The following ATL1 variants were observed in gnomAD, a reference collection of about 807,000 sequenced individuals.
The protein encoded by ATL1 is atlastin GTPase 1.
ATL1 carries 31 observed loss-of-function variants against 75.5 expected under a neutral mutation model. The observed-to-expected ratio is 0.41, with a 90% CI of 0.31 to 0.55. ATL1 has a LOEUF of 0.55. Ranked by LOEUF, ATL1 falls within the 20% of genes least tolerant of loss-of-function variation. The pLI, the probability that ATL1 is intolerant of heterozygous loss-of-function variation, is 0.27. For synonymous variants in ATL1, 226 were observed against 233.3 expected (o/e 0.97, Z 0.28); for missense variants, 405 against 662.6 (o/e 0.61, Z 4.27).
intron 1 of ATL1, among the ~76,000 whole-genome samples, chr14:50,553,749 C>T (rs1444789131): frequency 1.3e-5 from 2 of 152,170 alleles, no homozygotes; most frequent in Non-Finnish European, 2.9e-5. Context: ...GGTATATATA[C>T]ACCATGGAAT....
chr14:50,533,467 A>G (rs759499217), intron 1 of ATL1: 13 of 152,338 alleles, frequency 8.5e-5, no homozygotes, highest in Non-Finnish European at 1.3e-4. Flanking sequence ...ATACTTAACA[A>G]TGCACAGCAT....
At chr14:50,582,139 G>A (rs1014052473) in intron 1 of ATL1, among the ~76,000 whole-genome samples, 4 of 151,660 alleles carry the variant, frequency 2.6e-5, no homozygotes, top group East Asian at 2.0e-4. Flanking sequence ...AAAATTAGCC[G>A]GGCATGGTGG....
chr14:50,537,653 A>T (rs929477055), intron 1 of ATL1, among the ~76,000 whole-genome samples: 1 of 152,236 alleles, frequency 6.6e-6, no homozygotes, highest in Non-Finnish European at 1.5e-5. Context: ...GACCATGGGA[A>T]CCAACCTCTT....
Position 50,588,006 on chromosome 14 carries a change from A to G in ATL1, c.210A>G (p.Val70=). The G allele has an allele frequency of 6.2e-7, 1 of 1,614,230 alleles. No homozygotes were observed. The highest frequency in any genetic ancestry group is 8.5e-7 in the Non-Finnish European group (1 of 1,180,034). The change falls in exon 2 of 14, where the codon GTA becomes GTG. Residue 70 remains valine (V), a synonymous_variant. Transcript: ENST00000358385. ...TCAGAGACAAGGAGGTTGTTGCTGT[A>G]TCTGTTGCTGGAGCATTTAGAAAAG... ...EAVRDKEVVA[V]SVAGAFRKGK... is the part of the protein sequence containing the mutation.
chr14:50,605,199 G>T (rs2039305937), intron 6 of ATL1, among the ~76,000 whole-genome samples: 1 of 151,140 alleles, frequency 6.6e-6, no homozygotes, highest in Non-Finnish European at 1.5e-5. Flanking sequence ...TAAATCATAC[G>T]TATTATAGGT....
intron 11 of ATL1, 91 bp from the exon 12 acceptor site, chr14:50,627,940 T>C: frequency 8.0e-7 from 1 of 1,243,910 alleles, no homozygotes; most frequent in South Asian, 1.3e-5. Flanking sequence ...TAACGTATTC[T>C]AACAAACTCA....
chr14:50,565,904 G>A (rs978956488), intron 1 of ATL1, among the ~76,000 whole-genome samples: 1 of 152,174 alleles, frequency 6.6e-6, no homozygotes, highest in Non-Finnish European at 1.5e-5. Context: ...AAAGGAATGA[G>A]CACCTGTGCC....
At chr14:50,601,562 C>T (rs1255319114) in intron 6 of ATL1, among the ~76,000 whole-genome samples, 1 of 152,154 alleles carries the variant, frequency 6.6e-6, no homozygotes, top group East Asian at 1.9e-4. Context: ...TGCAAAAATT[C>T]CTCAAAATTT....
intron 6 of ATL1, among the ~76,000 whole-genome samples, chr14:50,609,305 A>T (rs1347977861): frequency 6.6e-6 from 1 of 152,042 alleles, no homozygotes; most frequent in Non-Finnish European, 1.5e-5. Context: ...GGGAGAGAAC[A>T]TCATATGTAA....
At chr14:50,626,750 AG>A (rs2039524679) in intron 11 of ATL1, among the ~76,000 whole-genome samples, 1 of 152,208 alleles carries the variant, frequency 6.6e-6, no homozygotes, top group Admixed American at 6.5e-5. Flanking sequence ...TCTTTATGCT[AG>A]GAACATTCGA....
chr14:50,617,469 C>A (rs1257359859), intron 8 of ATL1, among the ~76,000 whole-genome samples: 2 of 152,132 alleles, frequency 1.3e-5, no homozygotes, highest in Non-Finnish European at 2.9e-5. Context: ...TTAGCAGCTG[C>A]AGTTAGACTT....
chr14:50,537,966 A>T (rs1335909902), intron 1 of ATL1, among the ~76,000 whole-genome samples: 1 of 151,896 alleles, frequency 6.6e-6, no homozygotes, highest in Non-Finnish European at 1.5e-5. Flanking sequence ...ACTTTGGGGG[A>T]CTGTTGGGAA....
intron 6 of ATL1, among the ~76,000 whole-genome samples, chr14:50,601,942 A>T (rs941305270): frequency 1.3e-5 from 2 of 152,206 alleles, no homozygotes; most frequent in Non-Finnish European, 2.9e-5. Flanking sequence ...ATGTCTTGTC[A>T]CGTGCGATAG....
At chr14:50,621,332 T>A (rs2039464999) in intron 9 of ATL1, among the ~76,000 whole-genome samples, 1 of 152,348 alleles carries the variant, frequency 6.6e-6, no homozygotes, top group Non-Finnish European at 1.5e-5. Flanking sequence ...AAAATTCATG[T>A]TTTGTCATTT....
chr14:50,618,639 G>A (rs560625266), intron 8 of ATL1, among the ~76,000 whole-genome samples: 2 of 152,154 alleles, frequency 1.3e-5, no homozygotes, highest in Non-Finnish European at 2.9e-5. Flanking sequence ...TGTTATAACT[G>A]GGGCTATAAT....
At chr14:50,546,154 G>T (rs1358757880) in intron 1 of ATL1, among the ~76,000 whole-genome samples, 3 of 152,122 alleles carry the variant, frequency 2.0e-5, no homozygotes, top group South Asian at 2.1e-4. Context: ...GAGGGTAAAA[G>T]AAGTTTTTTA....
intron 1 of ATL1, among the ~76,000 whole-genome samples, chr14:50,574,854 G>A (rs2038985716): frequency 7.0e-6 from 1 of 143,380 alleles, no homozygotes; most frequent in African/African-American, 2.6e-5. Flanking sequence ...GCATGGAATT[G>A]TTTTATTAAA....
intron 6 of ATL1, among the ~76,000 whole-genome samples, chr14:50,596,343 C>T (rs1001985244): frequency 6.6e-6 from 1 of 151,874 alleles, no homozygotes; most frequent in Non-Finnish European, 1.5e-5. Flanking sequence ...GACATATAGC[C>T]TCAAAATATA....
upstream of ATL1, among the ~76,000 whole-genome samples, chr14:50,558,364 C>G (rs188881402): frequency 1.3e-5 from 2 of 152,260 alleles, no homozygotes; most frequent in East Asian, 3.9e-4. Context: ...GTCTGGAAAA[C>G]AAACAAACAA....
Sources: gnomAD v4.1 joint callset for allele counts (sites outside exome capture counted in the v4.1 genomes callset) on GRCh38, gnomAD v4.1.1 for gene constraint, MANE v1.5 for transcripts, NCBI Gene and HGNC (gene_info 2026-07-23, HGNC 2026-07-21) for gene names.